The following TMEM232 variants were observed in gnomAD, a reference collection of about 807,000 sequenced individuals.
The protein encoded by TMEM232 is transmembrane protein 232.
A neutral mutation model predicts 78.8 loss-of-function variants in TMEM232; 80 were observed. The ratio of observed to expected loss-of-function variants is 1.01; its 90% CI spans 0.85 to 1.22. TMEM232 has a LOEUF of 1.22. TMEM232 is among the 50% of genes most tolerant of loss of function. The pLI, the probability that TMEM232 is intolerant of heterozygous loss-of-function variation, is 0.00. For synonymous variants in TMEM232, 297 were observed against 254.3 expected (o/e 1.17, Z -1.60); for missense variants, 881 against 742.2 (o/e 1.19, Z -2.17).
chr5:110,692,181 A>C (rs551744575), intron 1 of TMEM232, among the ~76,000 whole-genome samples: 1 of 152,178 alleles, frequency 6.6e-6, no homozygotes, highest in African/African-American at 2.4e-5. Flanking sequence ...CGGCCTCCAA[A>C]AGTGCTGGCA....
intron 12 of TMEM232, among the ~76,000 whole-genome samples, chr5:110,447,134 C>T (rs1037180858): frequency 1.3e-5 from 2 of 150,086 alleles, no homozygotes; most frequent in East Asian, 3.9e-4. Context: ...TATATATATA[C>T]ACATACATAT....
At chr5:110,528,919 T>A (rs1308467284) in intron 11 of TMEM232, 84 bp from the exon 12 acceptor site, 1 of 1,140,388 alleles carries the variant, frequency 8.8e-7, no homozygotes, top group East Asian at 3.1e-5. Flanking sequence ...TTTTTTAAAG[T>A]ATCTTTATTT....
chr5:110,585,888 G>A (rs1449553455), intron 10 of TMEM232, among the ~76,000 whole-genome samples: 1 of 152,116 alleles, frequency 6.6e-6, no homozygotes, highest in East Asian at 1.9e-4. Context: ...AAAGGCAAAA[G>A]CATACTGCTG....
At chr5:110,460,973 C>T (rs1393790027) in intron 12 of TMEM232, among the ~76,000 whole-genome samples, 1 of 152,138 alleles carries the variant, frequency 6.6e-6, no homozygotes, top group East Asian at 1.9e-4. Context: ...ATCTCTCCCC[C>T]TCTGCTGGGG....
At chr5:110,514,079 C>T (rs1295220076) in intron 12 of TMEM232, among the ~76,000 whole-genome samples, 1 of 152,144 alleles carries the variant, frequency 6.6e-6, no homozygotes, top group Non-Finnish European at 1.5e-5. Context: ...AGAAGCCCAT[C>T]TCTGAAGAAC....
At chr5:110,626,181 G>C (rs1033956265) in intron 6 of TMEM232, among the ~76,000 whole-genome samples, 4 of 151,566 alleles carry the variant, frequency 2.6e-5, no homozygotes, top group Non-Finnish European at 5.9e-5. Flanking sequence ...GTATGTGAAA[G>C]AAAGATTTTT....
At chr5:110,505,985 G>A (rs958090311) in intron 12 of TMEM232, among the ~76,000 whole-genome samples, 1 of 152,158 alleles carries the variant, frequency 6.6e-6, no homozygotes, top group Non-Finnish European at 1.5e-5. Flanking sequence ...CACAGGTGTG[G>A]CCCAAATCAG....
intron 1 of TMEM232, among the ~76,000 whole-genome samples, chr5:110,717,207 A>C (rs1171566419): frequency 2.6e-5 from 4 of 151,340 alleles, no homozygotes; most frequent in Non-Finnish European, 4.4e-5. Context: ...ACACACACAC[A>C]ATGTAACATC....
chr5:110,610,383 A>C (rs952550322), intron 8 of TMEM232: 1 of 185,832 alleles, frequency 5.4e-6, no homozygotes, highest in African/African-American at 2.4e-5. Flanking sequence ...AGTATTCATG[A>C]GAAATACATG....
intron 2 of TMEM232, among the ~76,000 whole-genome samples, chr5:110,661,073 T>A (rs997745724): frequency 6.6e-6 from 1 of 152,180 alleles, no homozygotes; most frequent in Non-Finnish European, 1.5e-5. Flanking sequence ...CACATGTGAG[T>A]GACAATAGCG....
At chr5:110,465,896 T>G (rs1462041551) in intron 12 of TMEM232, among the ~76,000 whole-genome samples, 1 of 152,192 alleles carries the variant, frequency 6.6e-6, no homozygotes, top group Non-Finnish European at 1.5e-5. Flanking sequence ...AGCTTCTTTC[T>G]GCTCTAGTAA....
chr5:110,695,171 T>C (rs1441449077), intron 1 of TMEM232, among the ~76,000 whole-genome samples: 3 of 152,074 alleles, frequency 2.0e-5, no homozygotes, highest in Non-Finnish European at 4.4e-5. Context: ...CTCAACTACA[T>C]GGAAACTGAA....
intron 12 of TMEM232, among the ~76,000 whole-genome samples, chr5:110,458,375 CT>C (rs1761125884): frequency 6.6e-6 from 1 of 151,938 alleles, no homozygotes; most frequent in Non-Finnish European, 1.5e-5. Context: ...GAGGATACTG[CT>C]AATTAACAAT....
intron 2 of TMEM232, among the ~76,000 whole-genome samples, chr5:110,660,706 T>C (rs1288870390): frequency 6.6e-6 from 1 of 152,164 alleles, no homozygotes; most frequent in Non-Finnish European, 1.5e-5. Context: ...TGATTGTGGA[T>C]ACATAGATAG....
At chr5:110,409,909 A>C (rs1238098077) in intron 2 of TMEM232, among the ~76,000 whole-genome samples, 1 of 152,174 alleles carries the variant, frequency 6.6e-6, no homozygotes, top group African/African-American at 2.4e-5. Flanking sequence ...CACTATACTA[A>C]GGGAACACGC....
intron 11 of TMEM232, among the ~76,000 whole-genome samples, chr5:110,561,491 T>C (rs1775741670): frequency 6.6e-6 from 1 of 151,206 alleles, no homozygotes. Flanking sequence ...ACAGTAAATA[T>C]CAAATCTTAG....
At chr5:110,402,146 C>T (rs908521175) in intron 2 of TMEM232, among the ~76,000 whole-genome samples, 1 of 152,066 alleles carries the variant, frequency 6.6e-6, no homozygotes, top group Non-Finnish European at 1.5e-5. Context: ...GATGACTCAT[C>T]CGTTTGCATC....
rs535576049 is a variant in TMEM232 at position 110,549,244 on chromosome 5, G to A, written c.1455+19203C>T. On this transcript the variant is annotated intron_variant, in intron 11 of 13. Transcript: ENST00000455884. ...TCCATTAAATGCAAGGAAATTAGCA[G>A]AAGAAAATAATAAACCTAATATCAC... Among the ~76,000 whole-genome samples, 8 of 152,130 alleles carry A rather than the reference G, an allele frequency of 5.3e-5. No individual in the cohort carries two copies. In the East Asian group the frequency reaches 1.5e-3, roughly 29 times the overall value.
chr5:110,557,077 C>A (rs1020291777), intron 11 of TMEM232, among the ~76,000 whole-genome samples: 1 of 151,954 alleles, frequency 6.6e-6, no homozygotes. Flanking sequence ...TCTTTGTATT[C>A]TCTTTTATAT....
Sources: allele counts gnomAD v4.1 joint callset (sites outside exome capture counted in the v4.1 genomes callset), GRCh38; gene constraint gnomAD v4.1.1; transcripts MANE v1.5; gene names NCBI Gene and HGNC (gene_info 2026-07-23, HGNC 2026-07-21).